SGCD: variants seen among roughly 807,000 people sequenced by gnomAD.
SGCD encodes delta-sarcoglycan.
SGCD carries 18 observed loss-of-function variants against 36.6 expected under a neutral mutation model. The ratio of observed to expected loss-of-function variants is 0.49; its 90% CI spans 0.34 to 0.73. The LOEUF (loss-of-function observed/expected upper bound fraction) is 0.73. Ranked by LOEUF, SGCD falls within the 30% of genes least tolerant of loss-of-function variation. The pLI, the probability that SGCD is intolerant of heterozygous loss-of-function variation, is 0.01. For missense variants in SGCD, 387 were observed against 346.7 expected, an observed-to-expected ratio of 1.12 and a Z score of -0.92; for synonymous variants, 133 against 130.6, an observed-to-expected ratio of 1.02 and a Z score of -0.12.
intron 7 of SGCD, among the ~76,000 whole-genome samples, chr5:156,670,487 C>CTG (rs968811028): frequency 6.6e-6 from 1 of 152,190 alleles, no homozygotes; most frequent in African/African-American, 2.4e-5. Flanking sequence ...GATGCCCCTG[C>CTG]TGGGTGTATA....
intron 7 of SGCD, among the ~76,000 whole-genome samples, chr5:156,720,249 A>T (rs1755429030): frequency 6.6e-6 from 1 of 152,236 alleles, no homozygotes; most frequent in South Asian, 2.1e-4. Context: ...TATAACTAAT[A>T]AGCAAAGGTC....
intron 6 of SGCD, among the ~76,000 whole-genome samples, chr5:156,616,309 G>A (rs1210853764): frequency 6.6e-6 from 1 of 152,150 alleles, no homozygotes; most frequent in African/African-American, 2.4e-5. Flanking sequence ...ATAGTGTGCT[G>A]GTTAGCAAAG....
At chr5:156,228,192 T>G (rs1372975740) in intron 3 of SGCD, among the ~76,000 whole-genome samples, 2 of 152,184 alleles carry the variant, frequency 1.3e-5, no homozygotes, top group Non-Finnish European at 2.9e-5. Context: ...ATACATTGTT[T>G]CTTTGTTGAC....
chr5:156,356,534 C>T (rs1209226588), intron 3 of SGCD, among the ~76,000 whole-genome samples: 1 of 152,190 alleles, frequency 6.6e-6, no homozygotes, highest in African/African-American at 2.4e-5. Context: ...GCATCACTTC[C>T]ACTCTACTCT....
chr5:155,812,438 A>G, the SGCD span, among the ~76,000 whole-genome samples: 2 of 152,272 alleles, frequency 1.3e-5, no homozygotes, highest in African/African-American at 2.4e-5. Context: ...CCTGCATGCA[A>G]TTTTGTATTT....
At chr5:155,852,847 C>G in the SGCD span, among the ~76,000 whole-genome samples, 3 of 152,066 alleles carry the variant, frequency 2.0e-5, no homozygotes, top group Non-Finnish European at 4.4e-5. Context: ...TTTTTAAGTG[C>G]TTAAGGCAGA....
At chr5:156,257,405 C>T (rs922748590) in intron 3 of SGCD, among the ~76,000 whole-genome samples, 8 of 151,898 alleles carry the variant, frequency 5.3e-5, no homozygotes, top group Non-Finnish European at 7.4e-5. Flanking sequence ...ACCCTGGAGG[C>T]GGAGCTTGCA....
chr5:156,572,579 C>T (rs116490371), intron 4 of SGCD, among the ~76,000 whole-genome samples: 1,780 of 152,226 alleles, frequency 0.012, 14 homozygotes, highest in Non-Finnish European at 0.018. Context: ...CTGATCTCTC[C>T]AACCTGAAGT....
chr5:156,546,980 C>T (rs1758601040), intron 4 of SGCD, among the ~76,000 whole-genome samples: 1 of 152,118 alleles, frequency 6.6e-6, no homozygotes, highest in Non-Finnish European at 1.5e-5. Flanking sequence ...AAAAATTGAA[C>T]TGTTACAATT....
the SGCD span, among the ~76,000 whole-genome samples, chr5:155,752,535 T>G: frequency 6.6e-6 from 1 of 152,196 alleles, no homozygotes; most frequent in African/African-American, 2.4e-5. Context: ...TCTTTAACTC[T>G]CCACTCTTTT....
At chr5:156,346,798 T>TA (rs1429616542) in intron 3 of SGCD, among the ~76,000 whole-genome samples, 1 of 151,922 alleles carries the variant, frequency 6.6e-6, no homozygotes, top group Non-Finnish European at 1.5e-5. Context: ...TTATTTTTTT[T>TA]ATTTTTTTAT....
intron 6 of SGCD, among the ~76,000 whole-genome samples, chr5:156,610,323 G>A (rs1394265497): frequency 1.3e-5 from 2 of 151,918 alleles, no homozygotes; most frequent in South Asian, 2.1e-4. Context: ...GACCCTGTTT[G>A]CCTGGGTATC....
chr5:156,392,577 G>C, intron 3 of SGCD, among the ~76,000 whole-genome samples: 1 of 152,194 alleles, frequency 6.6e-6, no homozygotes, highest in East Asian at 1.9e-4. Context: ...GCTTGTGTTA[G>C]CTCAATTAGA....
At chr5:156,367,833 A>G (rs1037086853) in intron 3 of SGCD, among the ~76,000 whole-genome samples, 3 of 152,196 alleles carry the variant, frequency 2.0e-5, no homozygotes, top group Non-Finnish European at 2.9e-5. Context: ...GTGCCGCACA[A>G]GCTTGGTGAC....
At chr5:156,492,703 A>G (rs1285470495) in intron 3 of SGCD, among the ~76,000 whole-genome samples, 17 of 152,080 alleles carry the variant, frequency 1.1e-4, no homozygotes, top group Non-Finnish European at 4.4e-5. Flanking sequence ...TCCTAACGCT[A>G]TATCTATCCT....
chr5:156,247,866 T>TG, intron 3 of SGCD, among the ~76,000 whole-genome samples: 1 of 152,326 alleles, frequency 6.6e-6, no homozygotes, highest in African/African-American at 2.4e-5. Context: ...AATAAGCCTT[T>TG]GGGGACCCAG....
intron 5 of SGCD, among the ~76,000 whole-genome samples, chr5:156,593,155 A>G (rs1437437480): frequency 1.3e-5 from 2 of 152,212 alleles, no homozygotes; most frequent in Non-Finnish European, 2.9e-5. Context: ...AGGTTCAGAA[A>G]GATCAAATGA....
intron 1 of SGCD, among the ~76,000 whole-genome samples, chr5:156,015,609 G>T (rs76530179): frequency 3.4e-5 from 5 of 146,470 alleles, no homozygotes; most frequent in African/African-American, 1.2e-4. Context: ...ATGTATGCAT[G>T]TGTGTGTGTG....
chr5:155,892,356 G>C, intron 1 of SGCD, among the ~76,000 whole-genome samples: 1 of 151,548 alleles, frequency 6.6e-6, no homozygotes, highest in Admixed American at 6.6e-5. Context: ...TTTGGAGGTT[G>C]AGGCAGTAGA....
Sources: allele counts gnomAD v4.1 joint callset (sites outside exome capture counted in the v4.1 genomes callset), GRCh38; gene constraint gnomAD v4.1.1; transcripts MANE v1.5; gene names NCBI Gene and HGNC (gene_info 2026-07-23, HGNC 2026-07-21).